The following UACA variants were observed in gnomAD, a reference collection of about 807,000 sequenced individuals.
UACA encodes the protein nuclear membrane binding protein.
In UACA, 112 loss-of-function variants were observed where a neutral mutation model predicts 160.5. The ratio of observed to expected loss-of-function variants is 0.70; its 90% CI spans 0.60 to 0.82. The LOEUF (loss-of-function observed/expected upper bound fraction) is 0.82, where lower values mean the gene tolerates loss of function less well. UACA is among the 40% of genes least tolerant of loss of function. The pLI is 0.00. For missense variants in UACA, 1,574 were observed against 1,614.6 expected (o/e 0.97, Z 0.43); for synonymous variants, 557 against 568.4 (o/e 0.98, Z 0.29).
rs887820333 is a variant in UACA at position 70,759,094 on chromosome 15, C to G, written c.78+4236G>C. Among the ~76,000 whole-genome samples, 3 of 152,110 alleles carry G rather than the reference C, an allele frequency of 2.0e-5. No individual in the cohort carries two copies. In the East Asian group the frequency reaches 5.8e-4, roughly 29 times the overall value. ...TTCACCACGTTGCCCAGGCGGGTCT[C>G]GAACTCCTGGGCTCAAGCAATCCAA... On this transcript the variant is annotated intron_variant, in intron 1 of 18. Coordinates refer to ENST00000322954, the MANE Select transcript of UACA (RefSeq NM_018003.4).
intron 14 of UACA, 83 bp from the exon 15 acceptor site, chr15:70,671,174 T>A: frequency 1.0e-6 from 1 of 1,004,622 alleles, no homozygotes; most frequent in Non-Finnish European, 1.5e-6. Flanking sequence ...TTATTTCCTT[T>A]ATTATTCAAA....
chr15:70,735,147 T>TAA (rs1555415817), intron 1 of UACA, among the ~76,000 whole-genome samples: 33 of 3,102 alleles, frequency 0.011, 2 homozygotes, highest in African/African-American at 0.021. Flanking sequence ...TAGAGTATAA[T>TAA]AAAAAAAAAA....
chr15:70,699,672 A>G lies in UACA; in HGVS notation c.79-12T>C, dbSNP rs1401882758. On this transcript the variant is annotated splice_polypyrimidine_tract_variant and intron_variant, in intron 1 of 18. Transcript: ENST00000322954. ...CAATCTGCTGCATGCTACAAAAAGG[A>G]AAAAAAAAAGTAAATATGGCATACT... is the stretch of plus-strand genomic sequence containing the variant. The G allele has an allele frequency of 8.8e-6, 13 of 1,471,474 alleles. No individual in the cohort carries two copies. Among genetic ancestry groups the G allele is most frequent in the African/African-American group, 1.4e-5 (1 of 69,452 alleles). The allele number at this position is 1,471,474 out of a possible 1,614,324, so 91.2% of individuals were successfully genotyped here.
At chr15:70,685,655 T>C (rs552691098) in intron 7 of UACA, among the ~76,000 whole-genome samples, 24 of 152,346 alleles carry the variant, frequency 1.6e-4, no homozygotes, top group Admixed American at 1.0e-3. Flanking sequence ...CCCTGCTTCA[T>C]TGGCTTTTTG....
intron 13 of UACA, among the ~76,000 whole-genome samples, chr15:70,672,423 A>G (rs1184460047): frequency 6.6e-6 from 1 of 152,228 alleles, no homozygotes; most frequent in Non-Finnish European, 1.5e-5. Flanking sequence ...ACTATGAAAT[A>G]TCAACATAAC....
At chr15:70,724,556 C>T (rs1899089535) in intron 1 of UACA, among the ~76,000 whole-genome samples, 1 of 151,986 alleles carries the variant, frequency 6.6e-6, no homozygotes, top group South Asian at 2.1e-4. Flanking sequence ...AACTGTACTA[C>T]ACAGTTTTAC....
rs140236740 is a variant in UACA at position 70,664,681 on chromosome 15, G to C, written c.4094C>G (p.Ser1365Cys). ...ACTCACGGCCAGCTGTTGCTCCAGA[G>C]ATTTCACTTGGTGCTGCAGAGTGTC... ...LIDTLQHQVK[S>C]LEQQLADADR... The change falls in exon 17 of 19, where the codon TCT (serine) becomes TGT (cysteine). Residue 1365 changes from serine (S) to cysteine (C), a missense_variant. By Grantham distance (112) the Ser-to-Cys change is moderately radical. Transcript: ENST00000322954. 399 of 1,611,454 alleles carry C rather than the reference G, an allele frequency of 2.5e-4. No individual in the cohort carries two copies. The highest frequency in any genetic ancestry group is 3.2e-4 in the Non-Finnish European group (381 of 1,178,884).
At chr15:70,755,391 C>CG (rs1159885647) in intron 1 of UACA, among the ~76,000 whole-genome samples, 1 of 151,576 alleles carries the variant, frequency 6.6e-6, no homozygotes, top group African/African-American at 2.4e-5. Context: ...AGAATGAGGC[C>CG]GGGGGCAGTG....
chr15:70,754,937 C>T (rs1012746471), intron 1 of UACA, among the ~76,000 whole-genome samples: 15 of 152,328 alleles, frequency 9.8e-5, no homozygotes, highest in African/African-American at 3.4e-4. Context: ...TCAGGCAGCA[C>T]ATTTCAACCA....
rs769550419 is a variant in UACA, at chr15:70,667,576, C to T, written c.3108G>A (p.Glu1036=). 1.7e-5 allele frequency: 28 copies of T among 1,612,892 alleles called. No individual in the cohort carries two copies. The highest frequency in any genetic ancestry group is 2.4e-5 in the Non-Finnish European group (28 of 1,179,962). ...NKQENDKLKK[E]IFTLQKDLRD... ...TCAAATCTTTCTGAAGGGTAAAAATCTCCTTCTTTAACTTGTCATTCTCTT... is the reference window on the plus strand; with the variant it reads ...TCAAATCTTTCTGAAGGGTAAAAATTTCCTTCTTTAACTTGTCATTCTCTT... The change falls in exon 16 of 19, where the codon GAG becomes GAA. Residue 1036 remains glutamate (E), a synonymous_variant. Coordinates refer to ENST00000322954, the MANE Select transcript of UACA (RefSeq NM_018003.4).
At chr15:70,687,389 G>A (rs1811994260) in intron 7 of UACA, 151 bp downstream of exon 7, 2 of 644,080 alleles carry the variant, frequency 3.1e-6, no homozygotes, top group East Asian at 5.3e-5. Context: ...AAACTGACAA[G>A]TAGATGTTAA....
chr15:70,667,690 A>G lies in UACA; in HGVS notation c.2994T>C (p.Phe998=). ...IVSFEECERK[F]KATEKELKDQ... is the part of the protein sequence containing the mutation. ...CTTTTAGTTCTTTCTCTGTTGCTTT[A>G]AATTTTCTCTCGCACTCCTCAAAGC... The change falls in exon 16 of 19, where the codon TTT becomes TTC. Residue 998 remains phenylalanine (F), a synonymous_variant. Transcript: ENST00000322954. 6.2e-7 allele frequency: 1 copy of G among 1,613,700 alleles called. No homozygotes were observed. Among genetic ancestry groups the G allele is most frequent in the Non-Finnish European group, 8.5e-7 (1 of 1,179,980 alleles).
Position 70,668,511 on chromosome 15 carries a change from C to A in UACA, c.2173G>T (p.Asp725Tyr). The A allele has an allele frequency of 6.2e-7, 1 of 1,610,414 alleles. No homozygotes were observed. The highest frequency in any genetic ancestry group is 1.1e-5 in the South Asian group (1 of 89,986). ...LQKEIEKVYL[D>Y]NKLLKEQAHN... ...GCTTGCTCCTTGAGGAGCTTATTAT[C>A]CAAATAAACTTTTTCAATTTCCTTT... Residue 725 changes from aspartate (D) to tyrosine (Y), a missense_variant, in exon 16 of 19, where the codon GAT (aspartate) becomes TAT (tyrosine). Coordinates refer to ENST00000322954, the MANE Select transcript of UACA (RefSeq NM_018003.4).
At chr15:70,688,497 T>C (rs2140945519) in intron 5 of UACA, among the ~76,000 whole-genome samples, 1 of 152,190 alleles carries the variant, frequency 6.6e-6, no homozygotes, top group South Asian at 2.1e-4. Flanking sequence ...TTTTTATTGG[T>C]GAAATAATAG....
At chr15:70,723,099 TTCC>T (rs1431883791) in intron 1 of UACA, among the ~76,000 whole-genome samples, 2 of 152,228 alleles carry the variant, frequency 1.3e-5, no homozygotes, top group Non-Finnish European at 2.9e-5. Flanking sequence ...GAGCGTCAGT[TTCC>T]TCATTTTAAA....
chr15:70,675,054 A>T (rs1021481999), intron 13 of UACA, among the ~76,000 whole-genome samples: 6 of 152,232 alleles, frequency 3.9e-5, no homozygotes, highest in African/African-American at 1.4e-4. Flanking sequence ...TAAAACTAGC[A>T]TTGTAGTTAA....
At chr15:70,676,623 C>T (rs1367165825) in intron 12 of UACA, 32 bp from the exon 13 acceptor site, 2 of 1,552,304 alleles carry the variant, frequency 1.3e-6, no homozygotes, top group Admixed American at 1.7e-5. Flanking sequence ...ACAGTAAAAT[C>T]ACCCTGTGCT....
rs528101658 is a variant in UACA at position 70,690,515 on chromosome 15, T to C, written c.367-4A>G. On this transcript the variant is annotated splice_polypyrimidine_tract_variant and splice_region_variant and intron_variant, in intron 4 of 18. Transcript: ENST00000322954. ...CATGCTCAGTGGGACAATTGTACTGTTAAAGTAAAGAAAACTTAGTAAAGT... is the reference window on the plus strand; with the variant it reads ...CATGCTCAGTGGGACAATTGTACTGCTAAAGTAAAGAAAACTTAGTAAAGT... The C allele has an allele frequency of 3.7e-6, 6 of 1,609,944 alleles. No homozygotes were observed. The African/African-American group carries it at 6.7e-5, about 18-fold the overall frequency.
rs1397710478 is a variant in UACA at position 70,687,527 on chromosome 15, A to C, written c.602+13T>G. 6.2e-7 allele frequency: 1 copy of C among 1,612,446 alleles called. No individual in the cohort carries two copies. Among genetic ancestry groups the C allele is most frequent in the East Asian group, 2.2e-5 (1 of 44,854 alleles). On this transcript the variant is annotated intron_variant, in intron 7 of 18. Transcript: ENST00000322954. ...ATCCAGCTGGTATCTGGGAGCCATG[A>C]TAAAAGAATTACCTGTTTTGTTTGT... is the stretch of plus-strand genomic sequence containing the variant.
Sources: gnomAD v4.1 joint callset for allele counts (sites outside exome capture counted in the v4.1 genomes callset) on GRCh38, gnomAD v4.1.1 for gene constraint, MANE v1.5 for transcripts, NCBI Gene and HGNC (gene_info 2026-07-23, HGNC 2026-07-21) for gene names.